Variants in HTN1 observed in about 807,000 individuals in gnomAD.
The protein encoded by HTN1 is histatin-1.
A neutral mutation model predicts 11.2 loss-of-function variants in HTN1; 18 were observed. That is an observed-to-expected ratio of 1.61 (90% confidence interval 1.12 to 2.39). The LOEUF (loss-of-function observed/expected upper bound fraction) is 2.39, where lower values mean the gene tolerates loss of function less well. HTN1 is among the 30% of genes most tolerant of loss of function. HTN1 has a pLI of 0.00. For missense variants in HTN1, 80 were observed against 67.2 expected (o/e 1.19, Z -0.67); for synonymous variants, 21 against 20.5 (o/e 1.02, Z -0.07).
intron 1 of HTN1, among the ~76,000 whole-genome samples, chr4:70,050,992 G>T (rs1387517738): frequency 6.6e-6 from 1 of 152,076 alleles, no homozygotes; most frequent in Non-Finnish European, 1.5e-5. Context: ...ATTAACACCA[G>T]CAATCATCAC....
chr4:70,055,568 G>T lies in HTN1; in HGVS notation c.173G>T (p.Ter58LeuextTer3), dbSNP rs1578184433. Residue 58 changes from the stop codon to leucine, a stop_lost, in exon 5 of 6, where the codon TGA becomes TTA. Coordinates refer to ENST00000246896, the MANE Select transcript of HTN1 (RefSeq NM_002159.4). The stretch of plus-strand genomic sequence containing the variant: ...GGATCAAATTATCTATATGACAATT[G>T]ATATCCTTAGTAATCATGGGGCATG... ...DYGSNYLYDN[*>L] 6.5e-7 allele frequency: 1 copy of T among 1,534,170 alleles called. No homozygotes were observed. Among genetic ancestry groups the T allele is most frequent in the Non-Finnish European group, 9.0e-7 (1 of 1,108,490 alleles).
chr4:70,052,691 C>A (rs934479052), intron 1 of HTN1, among the ~76,000 whole-genome samples: 1 of 151,942 alleles, frequency 6.6e-6, no homozygotes, highest in Non-Finnish European at 1.5e-5. Flanking sequence ...GGGCTCACAC[C>A]TGTAATCCAA....
intron 4 of HTN1, among the ~76,000 whole-genome samples, chr4:70,055,276 C>CA (rs1231078081): frequency 6.6e-6 from 1 of 151,908 alleles, no homozygotes; most frequent in Non-Finnish European, 1.5e-5. Flanking sequence ...GCTATTGTCA[C>CA]AAAAATATCA....
chr4:70,054,818 T>C (rs1725991875), intron 4 of HTN1, among the ~76,000 whole-genome samples: 1 of 152,046 alleles, frequency 6.6e-6, no homozygotes, highest in Non-Finnish European at 1.5e-5. Context: ...TTCTACCTTC[T>C]GAATTTTTGA....
At chr4:70,056,776 A>G (rs534799974) in intron 5 of HTN1, 8 of 152,166 alleles carry the variant, frequency 5.3e-5, no homozygotes, top group Admixed American at 4.6e-4. Flanking sequence ...GCCAACAAAC[A>G]AGAAAAAAAG....
intron 1 of HTN1, among the ~76,000 whole-genome samples, chr4:70,051,763 T>C (rs1380020510): frequency 1.3e-5 from 2 of 152,122 alleles, no homozygotes; most frequent in South Asian, 2.1e-4. Context: ...CTGCTTTTCA[T>C]GATAGAGATG....
intron 1 of HTN1, among the ~76,000 whole-genome samples, chr4:70,050,794 T>G (rs1011120342): frequency 6.6e-6 from 1 of 152,156 alleles, no homozygotes; most frequent in African/African-American, 2.4e-5. Context: ...CTTTAAGTTC[T>G]GGGATACGTG....
Position 70,053,118 on chromosome 4 carries a change from T to A in HTN1, c.42T>A (p.Ile14=). 1 of 1,605,286 alleles carries A rather than the reference T, an allele frequency of 6.2e-7. No homozygotes were observed. The highest frequency in any genetic ancestry group is 1.3e-5 in the African/African-American group (1 of 74,832). The change falls in exon 2 of 6, where the codon ATT becomes ATA. Residue 14 remains isoleucine, a synonymous_variant. Coordinates refer to ENST00000246896, the MANE Select transcript of HTN1 (RefSeq NM_002159.4). ...TTGCTTTAGTCTTGGCTCTCATGAT[T>A]TCCATGATTGTAAGTATATCTGGAA... is the stretch of plus-strand genomic sequence containing the variant. ...FVFALVLALM[I]SMISADSHEK...
In HTN1 at chr4:70,054,513, T is replaced by G. The variant is rs1324235408; in HGVS notation, c.102+63T>G. On this transcript the variant is annotated intron_variant, in intron 4 of 5. Transcript: ENST00000246896. The stretch of plus-strand genomic sequence containing the variant: ...TTTCCTCTCTGACTATTTATTCTCC[T>G]AGAAGAATCAATAGTTGTCTCTCAA... 3.9e-6 allele frequency: 4 copies of G among 1,030,396 alleles called. No homozygotes were observed. In the African/African-American group the frequency reaches 4.9e-5, roughly 13 times the overall value. 63.8% of individuals were successfully genotyped at this position (1,030,396 alleles called of 1,614,324 possible). A position where few individuals can be genotyped will look rare whatever the true frequency, so the allele number is the denominator to read the frequency against.
chr4:70,051,230 C>T (rs1370110805), intron 1 of HTN1, among the ~76,000 whole-genome samples: 3 of 151,948 alleles, frequency 2.0e-5, no homozygotes, highest in Admixed American at 6.6e-5. Context: ...TTACTTTCTT[C>T]TTAATAGGAA....
At position 70,058,824 on chromosome 4, in the gene HTN1, G is replaced by A. The variant is rs1241338499; in HGVS notation, c.*278G>A. ...AATAGAAATTCATTCCTCTCCAAAA[G>A]CAATAAATTTCTAGCACATTATTAT... is the stretch of plus-strand genomic sequence containing the variant. On this transcript the variant is annotated 3_prime_UTR_variant, in exon 6 of 6. Transcript: ENST00000246896. 1.3e-5 allele frequency: 2 copies of A among 152,018 alleles called. No individual in the cohort carries two copies. The highest frequency in any genetic ancestry group is 4.8e-5 in the African/African-American group (2 of 41,384). 9.4% of individuals were successfully genotyped at this position (152,018 alleles called of 1,614,324 possible). A position where few individuals can be genotyped will look rare whatever the true frequency, so the allele number is the denominator to read the frequency against.
chr4:70,055,705 G>A, intron 5 of HTN1, 103 bp downstream of exon 5: 1 of 612,508 alleles, frequency 1.6e-6, no homozygotes, highest in Non-Finnish European at 2.9e-6. Context: ...AATGTAGCAT[G>A]GGTTAGCTCC....
At chr4:70,050,910 G>A (rs939369197) in intron 1 of HTN1, among the ~76,000 whole-genome samples, 3 of 152,072 alleles carry the variant, frequency 2.0e-5, no homozygotes, top group African/African-American at 7.2e-5. Context: ...TTAGTTATTT[G>A]CCCTGATGCT....
chr4:70,052,677 C>G (rs1360898940), intron 1 of HTN1, among the ~76,000 whole-genome samples: 4 of 151,878 alleles, frequency 2.6e-5, no homozygotes, highest in Non-Finnish European at 5.9e-5. Context: ...TGAGGCCATG[C>G]CTGGGGCTCA....
At chr4:70,053,743 C>T (rs1250990022) in intron 2 of HTN1, among the ~76,000 whole-genome samples, 1 of 152,026 alleles carries the variant, frequency 6.6e-6, no homozygotes, top group Non-Finnish European at 1.5e-5. Context: ...CCTCTTCCTC[C>T]TCCTCCTCCT....
At chr4:70,054,960 G>A (rs1187694149) in intron 4 of HTN1, among the ~76,000 whole-genome samples, 1 of 151,884 alleles carries the variant, frequency 6.6e-6, no homozygotes, top group Non-Finnish European at 1.5e-5. Context: ...ATGAATCTGG[G>A]TTCTAAAGTT....
intron 5 of HTN1, 191 bp from the exon 6 acceptor site, chr4:70,058,389 T>A (rs1353780267): frequency 2.0e-5 from 3 of 152,156 alleles, no homozygotes; most frequent in Non-Finnish European, 4.4e-5. Context: ...TGCTGAATGA[T>A]AATTTTTATT....
chr4:70,053,881 T>C (rs1447414755), intron 2 of HTN1, among the ~76,000 whole-genome samples: 2 of 152,152 alleles, frequency 1.3e-5, no homozygotes, highest in Non-Finnish European at 2.9e-5. Flanking sequence ...ATCACGTGAT[T>C]TTATTATAAA....
At chr4:70,051,663 A>G (rs1025375437) in intron 1 of HTN1, among the ~76,000 whole-genome samples, 1 of 152,144 alleles carries the variant, frequency 6.6e-6, no homozygotes, top group Non-Finnish European at 1.5e-5. Flanking sequence ...CATAATTTTT[A>G]TAGTTAGTCC....
Sources: allele counts gnomAD v4.1 joint callset (sites outside exome capture counted in the v4.1 genomes callset), GRCh38; gene constraint gnomAD v4.1.1; transcripts MANE v1.5; gene names NCBI Gene and HGNC (gene_info 2026-07-23, HGNC 2026-07-21).